The following RBFOX1 variants were observed in gnomAD, a reference collection of about 807,000 sequenced individuals.
RBFOX1 encodes RNA binding protein fox-1 homolog 1.
A neutral mutation model predicts 57.7 loss-of-function variants in RBFOX1; 8 were observed. The ratio of observed to expected loss-of-function variants is 0.14; its 90% CI spans 0.08 to 0.25. The LOEUF (loss-of-function observed/expected upper bound fraction) is 0.25, where lower values mean the gene tolerates loss of function less well. Ranked by LOEUF, RBFOX1 falls within the 10% of genes least tolerant of loss-of-function variation. The pLI is 1.00. For missense variants in RBFOX1, 611 were observed against 548.5 expected (o/e 1.11, Z -1.14); for synonymous variants, 326 against 222.4 (o/e 1.47, Z -4.15).
At chr16:6,161,591 G>A (rs115612172) in intron 1 of RBFOX1, among the ~76,000 whole-genome samples, 1,964 of 152,150 alleles carry the variant, frequency 0.013, 56 homozygotes, top group African/African-American at 0.045. Context: ...GAATTGCATG[G>A]CATCTGCTTC....
chr16:6,278,670 T>G (rs2152692791), intron 1 of RBFOX1, among the ~76,000 whole-genome samples: 1 of 152,300 alleles, frequency 6.6e-6, no homozygotes, highest in Admixed American at 6.5e-5. Flanking sequence ...CTGTGTACTT[T>G]TTTCTCATAA....
rs114669546 is a variant in RBFOX1, at chr16:5,321,626, C to A, written c.219+81521C>A. Among the ~76,000 whole-genome samples, 772 of 152,228 alleles carry A rather than the reference C, an allele frequency of 5.1e-3. 7 individuals are homozygous for A. The highest frequency in any genetic ancestry group is 0.018 in the African/African-American group (735 of 41,554). On this transcript the variant is annotated intron_variant, in intron 1 of 2. Coordinates refer to the RBFOX1 transcript ENST00000585867. ...GCCACAGCGCCTGGCCAAGAGATCACATTTTTAAAGCCACTAGGTTCTGGG... is the reference window on the plus strand; with the variant it reads ...GCCACAGCGCCTGGCCAAGAGATCAAATTTTTAAAGCCACTAGGTTCTGGG...
chr16:6,920,938 C>A (rs112912567), intron 3 of RBFOX1, among the ~76,000 whole-genome samples: 1 of 152,306 alleles, frequency 6.6e-6, no homozygotes, highest in Non-Finnish European at 1.5e-5. Context: ...AGGACACTAT[C>A]TGGCTAGTCT....
chr16:6,424,252 C>T (rs1000665183), intron 2 of RBFOX1, among the ~76,000 whole-genome samples: 2 of 152,092 alleles, frequency 1.3e-5, no homozygotes, highest in African/African-American at 2.4e-5. Context: ...CGAAACAAAA[C>T]AAATGAACAA....
intron 4 of RBFOX1, among the ~76,000 whole-genome samples, chr16:7,229,613 A>AAGG (rs2093360310): frequency 2.2e-5 from 2 of 90,616 alleles, no homozygotes; most frequent in African/African-American, 1.1e-4. Flanking sequence ...AAGGAAGGAG[A>AAGG]AGAAAGATGG....
At chr16:6,176,869 C>T (rs1214079244) in intron 1 of RBFOX1, among the ~76,000 whole-genome samples, 1 of 152,108 alleles carries the variant, frequency 6.6e-6, no homozygotes, top group Non-Finnish European at 1.5e-5. Context: ...AGCAAGCATT[C>T]ATGGAGGCTG....
At chr16:6,688,844 G>C (rs934334668) in intron 3 of RBFOX1, among the ~76,000 whole-genome samples, 1 of 152,086 alleles carries the variant, frequency 6.6e-6, no homozygotes, top group Admixed American at 6.6e-5. Context: ...GTGTCCATGT[G>C]TTCTCATTGT....
At chr16:6,986,624 T>G (rs1438041410) in intron 3 of RBFOX1, among the ~76,000 whole-genome samples, 6 of 152,172 alleles carry the variant, frequency 3.9e-5, no homozygotes. Context: ...TAAATATTTT[T>G]TACTGCATTT....
intron 1 of RBFOX1, among the ~76,000 whole-genome samples, chr16:6,193,949 T>C (rs2097163623): frequency 6.6e-6 from 1 of 152,174 alleles, no homozygotes; most frequent in African/African-American, 2.4e-5. Flanking sequence ...GACCTCCGCC[T>C]CTTGGCTTTC....
At chr16:6,343,397 G>T (rs929248223) in intron 2 of RBFOX1, among the ~76,000 whole-genome samples, 1 of 152,144 alleles carries the variant, frequency 6.6e-6, no homozygotes, top group African/African-American at 2.4e-5. Context: ...ATTATGCTCA[G>T]CAGTTGTTAA....
intron 5 of RBFOX1, among the ~76,000 whole-genome samples, chr16:7,533,418 A>T (rs1188676182): frequency 1.4e-5 from 2 of 139,788 alleles, no homozygotes. Flanking sequence ...GCATTTTTTA[A>T]AAAAAAAATC....
chr16:5,348,817 G>T (rs1039070707), intron 1 of RBFOX1, among the ~76,000 whole-genome samples: 1 of 152,120 alleles, frequency 6.6e-6, no homozygotes, highest in Non-Finnish European at 1.5e-5. Context: ...GCATTAATTT[G>T]TCAGCAGACT....
chr16:5,639,735 C>T (rs1023875561), intron 3 of RBFOX1, among the ~76,000 whole-genome samples: 20 of 152,086 alleles, frequency 1.3e-4, no homozygotes, highest in African/African-American at 2.7e-4. Flanking sequence ...GGCATTTGGG[C>T]GGAACAAGAT....
chr16:6,140,615 A>T (rs769764480), intron 1 of RBFOX1, among the ~76,000 whole-genome samples: 1 of 152,010 alleles, frequency 6.6e-6, no homozygotes, highest in Non-Finnish European at 1.5e-5. Context: ...GCCAGAAAAG[A>T]TTTGCTGCCT....
intron 4 of RBFOX1, among the ~76,000 whole-genome samples, chr16:5,941,303 A>G (rs901770508): frequency 6.6e-6 from 1 of 152,062 alleles, no homozygotes; most frequent in Non-Finnish European, 1.5e-5. Flanking sequence ...CAGCCTGGGC[A>G]ACGTAGTGAG....
chr16:6,483,833 ACT>A, intron 2 of RBFOX1: 1 of 1,254,078 alleles, frequency 8.0e-7, no homozygotes, highest in Non-Finnish European at 1.0e-6. Context: ...AGAATAGGGG[ACT>A]TGGCCGTGGA....
At chr16:6,930,090 C>T (rs182474043) in intron 3 of RBFOX1, among the ~76,000 whole-genome samples, 5 of 152,264 alleles carry the variant, frequency 3.3e-5, no homozygotes, top group South Asian at 2.1e-4. Flanking sequence ...CTGGTTTACT[C>T]GGCCTGCTCT....
chr16:6,407,157 TTGTATC>T (rs2093310276), intron 2 of RBFOX1, among the ~76,000 whole-genome samples: 3 of 152,204 alleles, frequency 2.0e-5, no homozygotes, highest in Admixed American at 2.0e-4. Flanking sequence ...TCTATATTAT[TTGTATC>T]TGTATCTATC....
intron 1 of RBFOX1, among the ~76,000 whole-genome samples, chr16:6,304,064 C>T (rs891856594): frequency 6.6e-6 from 1 of 151,638 alleles, no homozygotes; most frequent in Non-Finnish European, 1.5e-5. Flanking sequence ...CCTGCCTGGG[C>T]CTCCCAAAGT....
Sources: gnomAD v4.1 joint callset for allele counts (sites outside exome capture counted in the v4.1 genomes callset) on GRCh38, gnomAD v4.1.1 for gene constraint, MANE v1.5 for transcripts, NCBI Gene and HGNC (gene_info 2026-07-23, HGNC 2026-07-21) for gene names.